Variants in MRPS10 observed in about 807,000 individuals in gnomAD.
MRPS10 encodes the protein mitochondrial ribosomal protein S10.
In MRPS10, 23 loss-of-function variants were observed where a neutral mutation model predicts 27.5. That is an observed-to-expected ratio of 0.84 (90% CI 0.60 to 1.18). The LOEUF is 1.18. Ranked by LOEUF, MRPS10 falls within the 50% of genes most tolerant of loss-of-function variation. MRPS10 has a pLI of 0.00. For missense variants in MRPS10, 237 were observed against 240.1 expected, an observed-to-expected ratio of 0.99 and a Z score of 0.09; for synonymous variants, 88 against 84.2, an observed-to-expected ratio of 1.04 and a Z score of -0.25.
chr6:42,209,310 T>C (rs1484858667), intron 5 of MRPS10, among the ~76,000 whole-genome samples: 2 of 151,888 alleles, frequency 1.3e-5, no homozygotes, highest in Non-Finnish European at 2.9e-5. Flanking sequence ...CCCTAAAGAA[T>C]CTAACATAAA....
rs1391157740 is a variant in MRPS10 at position 42,207,944 on chromosome 6, C to T, written c.*345G>A. ...AAAATAAGGGTACGAACACTCCAAG[C>T]ACTTATTTTCAGATGCATCAACTGA... On this transcript the variant is annotated 3_prime_UTR_variant, in exon 7 of 7. Coordinates refer to ENST00000053468, the MANE Select transcript of MRPS10 (RefSeq NM_018141.4). 5 of 254,828 alleles carry T rather than the reference C, an allele frequency of 2.0e-5. No homozygotes were observed. Among genetic ancestry groups the T allele is most frequent in the Non-Finnish European group, 2.2e-5 (3 of 134,510 alleles). 15.8% of individuals were successfully genotyped at this position (254,828 alleles called of 1,614,324 possible). A position where few individuals can be genotyped will look rare whatever the true frequency, so the allele number is the denominator to read the frequency against.
chr6:42,214,202 G>T lies in MRPS10; in HGVS notation c.114-10C>A. 2.5e-6 allele frequency: 4 copies of T among 1,610,754 alleles called. No individual in the cohort carries two copies. The highest frequency in any genetic ancestry group is 3.4e-6 in the Non-Finnish European group (4 of 1,178,214). On this transcript the variant is annotated splice_polypyrimidine_tract_variant and intron_variant, in intron 2 of 6. Transcript: ENST00000053468. ...CTTCATATTGGTACTGCTATGTGTG[G>T]GGAAAAAAAGAGAAACCTAAGTAAA...
chr6:42,210,994 C>T (rs1285530465), intron 4 of MRPS10, among the ~76,000 whole-genome samples: 1 of 152,192 alleles, frequency 6.6e-6, no homozygotes, highest in African/African-American at 2.4e-5. Context: ...ATCAAAATAA[C>T]AAAACTATAG....
At chr6:42,215,323 G>GA (rs1450851164) in intron 1 of MRPS10, among the ~76,000 whole-genome samples, 3 of 140,754 alleles carry the variant, frequency 2.1e-5, no homozygotes, top group Non-Finnish European at 4.5e-5. Context: ...CCGGGAGGCG[G>GA]AGGTCCAGGC....
In MRPS10 at chr6:42,207,946, C is replaced by T; in HGVS notation, c.*343G>A. 1 of 260,468 alleles carries T rather than the reference C, an allele frequency of 3.8e-6. No individual in the cohort carries two copies. Among genetic ancestry groups the T allele is most frequent in the South Asian group, 4.7e-5 (1 of 21,144 alleles). The allele number at this position is 260,468 out of a possible 1,614,324, so 16.1% of individuals were successfully genotyped here. A position where few individuals can be genotyped will look rare whatever the true frequency, so the allele number is the denominator to read the frequency against. On this transcript the variant is annotated 3_prime_UTR_variant, in exon 7 of 7. Transcript: ENST00000053468. ...AATAAGGGTACGAACACTCCAAGCA[C>T]TTATTTTCAGATGCATCAACTGACA...
chr6:42,208,014 G>T lies in MRPS10; in HGVS notation c.*275C>A, dbSNP rs575469841. On this transcript the variant is annotated 3_prime_UTR_variant, in exon 7 of 7. Coordinates refer to ENST00000053468, the MANE Select transcript of MRPS10 (RefSeq NM_018141.4). ...AAACTAATAATTGAACACCAGTAGC[G>T]TAACAAAATAGAATTTTCACTCTTT... 2.4e-6 allele frequency: 1 copy of T among 412,578 alleles called. No homozygotes were observed. Among genetic ancestry groups the T allele is most frequent in the Non-Finnish European group, 4.3e-6 (1 of 233,650 alleles). 25.6% of individuals were successfully genotyped at this position (412,578 alleles called of 1,614,324 possible). A position where few individuals can be genotyped will look rare whatever the true frequency, so the allele number is the denominator to read the frequency against.
intron 3 of MRPS10, among the ~76,000 whole-genome samples, chr6:42,213,572 A>G (rs1017957676): frequency 6.6e-6 from 1 of 152,200 alleles, no homozygotes; most frequent in Non-Finnish European, 1.5e-5. Context: ...GTAATCCCAA[A>G]CTGTTAAAGG....
intron 1 of MRPS10, 126 bp from the exon 2 acceptor site, chr6:42,214,470 G>A: frequency 3.6e-6 from 2 of 562,080 alleles, no homozygotes; most frequent in Admixed American, 4.2e-5. Context: ...AACTAAAATG[G>A]CCAAATTAGA....
chr6:42,210,921 G>C (rs1164560547), intron 4 of MRPS10, among the ~76,000 whole-genome samples: 1 of 152,244 alleles, frequency 6.6e-6, no homozygotes, highest in Non-Finnish European at 1.5e-5. Context: ...AGCAGCACCA[G>C]TGTGGTAGAC....
rs1220770115 is a variant in MRPS10, at chr6:42,206,854, TAA to T, written c.*1433_*1434del. On this transcript the variant is annotated 3_prime_UTR_variant, in exon 7 of 7. Coordinates refer to ENST00000053468, the MANE Select transcript of MRPS10 (RefSeq NM_018141.4). The stretch of plus-strand genomic sequence containing the variant: ...TCTTTTAATGGTGATGACAGTAACG[TAA>T]GTCTGATACACAAGCAGTATGTATT... The T allele has an allele frequency of 6.6e-6, 1 of 152,116 alleles. No homozygotes were observed. The highest frequency in any genetic ancestry group is 1.5e-5 in the Non-Finnish European group (1 of 68,042). The allele number at this position is 152,116 out of a possible 1,614,324, so 9.4% of individuals were successfully genotyped here. A position where few individuals can be genotyped will look rare whatever the true frequency, so the allele number is the denominator to read the frequency against.
intron 5 of MRPS10, 53 bp from the exon 6 acceptor site, chr6:42,209,000 T>G (rs1768693450): frequency 1.9e-6 from 2 of 1,049,116 alleles, no homozygotes; most frequent in Non-Finnish European, 2.6e-6. Context: ...TAAAGCACGG[T>G]TTTTTGTTTT....
Position 42,211,864 on chromosome 6 carries a change from C to A in MRPS10, c.240G>T (p.Val80=), listed in dbSNP as rs532441973. 80 of 1,613,958 alleles carry A rather than the reference C, an allele frequency of 5.0e-5. No homozygotes were observed. The South Asian group carries it at 8.6e-4, about 17-fold the overall frequency. Residue 80 remains valine, a synonymous_variant, in exon 4 of 7, where the codon GTG becomes GTT. Transcript: ENST00000053468. ...CCAATACAGCCTTATCGTGACCTTT[C>A]ACCAAAACCGAGAGGCGCTTATATA... ...DILYKRLSVL[V]KGHDKAVLDS...
chr6:42,212,595 A>C (rs1470633878), intron 3 of MRPS10, among the ~76,000 whole-genome samples: 1 of 152,190 alleles, frequency 6.6e-6, no homozygotes, highest in Non-Finnish European at 1.5e-5. Flanking sequence ...ATACCTAAAG[A>C]CCTTAGAAAT....
chr6:42,215,757 C>T (rs1768906889), intron 1 of MRPS10, among the ~76,000 whole-genome samples: 1 of 152,128 alleles, frequency 6.6e-6, no homozygotes, highest in Non-Finnish European at 1.5e-5. Context: ...GCTTATTGTC[C>T]TTCCTCTCCT....
intron 1 of MRPS10, among the ~76,000 whole-genome samples, chr6:42,217,122 T>C (rs558655436): frequency 6.6e-6 from 1 of 152,224 alleles, no homozygotes; most frequent in Non-Finnish European, 1.5e-5. Flanking sequence ...AGAAAATATA[T>C]TTTTCATAAA....
chr6:42,215,555 T>C (rs1232196620), intron 1 of MRPS10, among the ~76,000 whole-genome samples: 1 of 151,948 alleles, frequency 6.6e-6, no homozygotes, highest in Non-Finnish European at 1.5e-5. Context: ...GTCTCCCAGA[T>C]AGCTGGGACT....
At position 42,211,809 on chromosome 6, in the gene MRPS10, C is replaced by A; in HGVS notation, c.295G>T (p.Ala99Ser). 5.0e-6 allele frequency: 8 copies of A among 1,613,670 alleles called. No individual in the cohort carries two copies. The highest frequency in any genetic ancestry group is 6.8e-6 in the Non-Finnish European group (8 of 1,179,888). ...TTAATAGAGATACCAAGTTCTTTAGCAGCAAGCACAGCAAAATATTCATAA... is the reference window on the plus strand; with the variant it reads ...TTAATAGAGATACCAAGTTCTTTAGAAGCAAGCACAGCAAAATATTCATAA... ...DSYEYFAVLA[A>S]KELGISIKVH... Residue 99 changes from alanine (A) to serine (S), a missense_variant, in exon 4 of 7, where the codon GCT (alanine) becomes TCT (serine). Physicochemically the swap from Ala to Ser is moderately conservative, Grantham distance 99. Coordinates refer to ENST00000053468, the MANE Select transcript of MRPS10 (RefSeq NM_018141.4).
chr6:42,208,964 G>T lies in MRPS10; in HGVS notation c.433-17C>A. On this transcript the variant is annotated splice_polypyrimidine_tract_variant and intron_variant, in intron 5 of 6. Coordinates refer to ENST00000053468, the MANE Select transcript of MRPS10 (RefSeq NM_018141.4). The stretch of plus-strand genomic sequence containing the variant: ...ATGTTCTAACTAAAACATCAAACAT[G>T]AAAATGTTTCATGTAAGCTGTTTGT... 1.3e-6 allele frequency: 2 copies of T among 1,497,814 alleles called. No homozygotes were observed. Among genetic ancestry groups the T allele is most frequent in the African/African-American group, 1.4e-5 (1 of 69,164 alleles). 92.8% of individuals were successfully genotyped at this position (1,497,814 alleles called of 1,614,324 possible). A position where few individuals can be genotyped will look rare whatever the true frequency, so the allele number is the denominator to read the frequency against.
In MRPS10 at chr6:42,217,857, G is replaced by C. The variant is rs772622075; in HGVS notation, c.-8C>G. ...CGCTGTCCGCGCCGCCATCTTGCCG[G>C]TCCCGACCTCTCAGGATTGCTTCCG... On this transcript the variant is annotated 5_prime_UTR_variant, in exon 1 of 7. Transcript: ENST00000053468. 45 of 1,613,658 alleles carry C rather than the reference G, an allele frequency of 2.8e-5. No individual in the cohort carries two copies. The highest frequency in any genetic ancestry group is 5.3e-5 in the African/African-American group (4 of 74,886).
Sources: gnomAD v4.1 joint callset for allele counts (sites outside exome capture counted in the v4.1 genomes callset) on GRCh38, gnomAD v4.1.1 for gene constraint, MANE v1.5 for transcripts, NCBI Gene and HGNC (gene_info 2026-07-23, HGNC 2026-07-21) for gene names.